Variants in FABP6 observed in about 807,000 individuals in gnomAD.
The protein encoded by FABP6 is gastrotropin.
In FABP6, 13 loss-of-function variants were observed where a neutral mutation model predicts 14.9. The ratio of observed to expected loss-of-function variants is 0.87; its 90% confidence interval spans 0.57 to 1.39. FABP6 has a LOEUF of 1.39. Ranked by LOEUF, FABP6 falls within the 40% of genes most tolerant of loss-of-function variation. The probability of loss-of-function intolerance (pLI) is 0.00; values close to 1 mark genes in which losing one functional copy is unlikely to be tolerated. For synonymous variants in FABP6, 75 were observed against 63.6 expected, an observed-to-expected ratio of 1.18 and a Z score of -0.85; for missense variants, 161 against 167.2, an observed-to-expected ratio of 0.96 and a Z score of 0.20.
chr5:160,214,080 C>T (rs1189338923), intron 3 of FABP6, among the ~76,000 whole-genome samples: 1 of 150,654 alleles, frequency 6.6e-6, no homozygotes, highest in Admixed American at 6.6e-5. Flanking sequence ...GTAGGTTTTG[C>T]CTGCCTTTCT....
chr5:160,193,412 G>C lies in FABP6; in HGVS notation c.-58-5637G>C, dbSNP rs185773575. Among the ~76,000 whole-genome samples, 82 of 152,200 alleles carry C rather than the reference G, an allele frequency of 5.4e-4. 1 individual carries two copies. In the East Asian group the frequency reaches 0.015, roughly 28 times the overall value. ...TTATTGCAAAGAGCAAAAGAACAAG[G>C]CTTCCACAGTGTGGAAGGGGACCCG... is the stretch of plus-strand genomic sequence containing the variant. On this transcript the variant is annotated intron_variant, in intron 1 of 6. Coordinates refer to the FABP6 transcript ENST00000393980.
intron 3 of FABP6, among the ~76,000 whole-genome samples, chr5:160,214,216 T>C (rs1396318050): frequency 6.6e-6 from 1 of 151,782 alleles, no homozygotes; most frequent in African/African-American, 2.4e-5. Flanking sequence ...CAGGCTGAAG[T>C]GCAGTGATGT....
chr5:160,231,611 G>A (rs1760384123), intron 1 of FABP6, among the ~76,000 whole-genome samples: 1 of 152,110 alleles, frequency 6.6e-6, no homozygotes, highest in African/African-American at 2.4e-5. Flanking sequence ...AGCCAGGCTG[G>A]TCTCGAACTT....
chr5:160,218,539 C>T lies in FABP6; in HGVS notation c.135+4720C>T, dbSNP rs551284345. 1.2e-3 allele frequency among the ~76,000 whole-genome samples: 181 copies of T among 147,790 alleles called. 1 individual carries two copies. The highest frequency in any genetic ancestry group is 2.1e-3 in the Non-Finnish European group (140 of 67,334). On this transcript the variant is annotated intron_variant, in intron 3 of 6. Coordinates refer to the FABP6 transcript ENST00000393980. ...GCAAAGGCGCGATCTCAGCTCACTG[C>T]AACCTCTGCCTCCCGAGTACAAGCA... is the stretch of plus-strand genomic sequence containing the variant.
At chr5:160,216,754 A>G (rs1300063709) in intron 3 of FABP6, among the ~76,000 whole-genome samples, 3 of 152,178 alleles carry the variant, frequency 2.0e-5, no homozygotes, top group Non-Finnish European at 4.4e-5. Context: ...TCTTTTCTGT[A>G]AGTAGGGATT....
At chr5:160,207,242 T>G (rs956021120) in intron 2 of FABP6, among the ~76,000 whole-genome samples, 1 of 152,232 alleles carries the variant, frequency 6.6e-6, no homozygotes, top group Non-Finnish European at 1.5e-5. Context: ...TAAACTCCCA[T>G]GGCCCAATCC....
exon 2 of FABP6, chr5:160,199,088 C>T (rs763197384): frequency 1.2e-6 from 2 of 1,613,900 alleles, no homozygotes; most frequent in African/African-American, 2.7e-5. Flanking sequence ...CAGGCAGGGG[C>T]TGGTCCAGCC....
intron 1 of FABP6, among the ~76,000 whole-genome samples, chr5:160,194,337 C>T (rs7703829): frequency 0.091 from 13,872 of 152,218 alleles, 835 homozygotes; most frequent in East Asian, 0.36. Flanking sequence ...CCTTGGCCAG[C>T]CCAGAAAGGG....
chr5:160,232,260 G>T lies in FABP6; in HGVS notation c.230G>T (p.Gly77Val). The change falls in exon 2 of 4, where the codon GGC becomes GTC. Residue 77 changes from glycine (G) to valine (V), a missense_variant. Physicochemically the swap from Gly to Val is moderately radical, Grantham distance 109. Coordinates refer to ENST00000402432, the MANE Select transcript of FABP6 (RefSeq NM_001445.3). ...GKESNIQTMG[G>V]KTFKATVQME... ...GAAAGCAACATACAGACAATGGGGG[G>T]CAAGACGTTCAAGGTGAGAGGCCAC... The T allele has an allele frequency of 6.2e-7, 1 of 1,607,522 alleles. No homozygotes were observed. The highest frequency in any genetic ancestry group is 1.1e-5 in the South Asian group (1 of 89,980).
chr5:160,193,206 C>T (rs955214693), intron 1 of FABP6, among the ~76,000 whole-genome samples: 4 of 151,880 alleles, frequency 2.6e-5, no homozygotes, highest in Admixed American at 2.6e-4. Flanking sequence ...TTCGTGGTCT[C>T]GCTGGCTCAG....
intron 3 of FABP6, among the ~76,000 whole-genome samples, chr5:160,219,657 G>A (rs563237954): frequency 6.8e-6 from 1 of 146,046 alleles, no homozygotes; most frequent in South Asian, 2.3e-4. Context: ...TCCTGCCTTG[G>A]ACACTGACCT....
chr5:160,208,670 A>G (rs1042023568), intron 2 of FABP6, among the ~76,000 whole-genome samples: 1 of 152,198 alleles, frequency 6.6e-6, no homozygotes, highest in Non-Finnish European at 1.5e-5. Flanking sequence ...GCTTATGCCT[A>G]TAATCTCAGA....
chr5:160,229,779 C>T (rs1760330976), intron 1 of FABP6, among the ~76,000 whole-genome samples, 155 bp downstream of exon 1: 1 of 152,160 alleles, frequency 6.6e-6, no homozygotes, highest in South Asian at 2.1e-4. Flanking sequence ...ACTGCTTTCT[C>T]CCAGGCTCTG....
intron 1 of FABP6, among the ~76,000 whole-genome samples, chr5:160,193,378 T>C (rs546670888): frequency 1.5e-4 from 23 of 152,190 alleles, no homozygotes; most frequent in Non-Finnish European, 3.1e-4. Context: ...GAGTGAGCAG[T>C]AGCAAGATTT....
chr5:160,238,324 G>A (rs1760563424), intron 3 of FABP6, among the ~76,000 whole-genome samples: 1 of 152,144 alleles, frequency 6.6e-6, no homozygotes, highest in South Asian at 2.1e-4. Context: ...GGATTAAATG[G>A]AATCATGCAG....
At chr5:160,203,062 C>T (rs62379608) in intron 2 of FABP6, among the ~76,000 whole-genome samples, 61,843 of 151,500 alleles carry the variant, frequency 0.41, 12,671 homozygotes, top group Non-Finnish European at 0.42. Flanking sequence ...CCACCGTATC[C>T]GGCTAGTTTT....
At chr5:160,211,272 CTG>C (rs1364388253) in intron 2 of FABP6, among the ~76,000 whole-genome samples, 1 of 152,058 alleles carries the variant, frequency 6.6e-6, no homozygotes, top group African/African-American at 2.4e-5. Context: ...CTCTGTGGGA[CTG>C]TCAGTTAAGA....
chr5:160,214,188 G>A (rs942264250), intron 3 of FABP6, among the ~76,000 whole-genome samples: 5 of 139,994 alleles, frequency 3.6e-5, no homozygotes, highest in Admixed American at 7.7e-5. Context: ...TTTTATTACA[G>A]GGTCTCATTC....
At chr5:160,227,142 T>C (rs1760265799), upstream of FABP6, among the ~76,000 whole-genome samples, 1 of 152,230 alleles carries the variant, frequency 6.6e-6, no homozygotes, top group African/African-American at 2.4e-5. Flanking sequence ...TGATATACCC[T>C]TTTGTAATGA....
Sources: allele counts gnomAD v4.1 joint callset (sites outside exome capture counted in the v4.1 genomes callset), GRCh38; gene constraint gnomAD v4.1.1; transcripts MANE v1.5; gene names NCBI Gene and HGNC (gene_info 2026-07-23, HGNC 2026-07-21).